TBC1D19: variants seen among roughly 807,000 people sequenced by gnomAD.
TBC1D19 encodes the protein TBC1 domain family, member 19.
In TBC1D19, 60 loss-of-function variants were observed where a neutral mutation model predicts 89.0. The observed-to-expected ratio is 0.67, with a 90% CI of 0.55 to 0.84. TBC1D19 has a LOEUF of 0.84. TBC1D19 is among the 40% of genes least tolerant of loss of function. TBC1D19 has a pLI of 0.00. For synonymous variants in TBC1D19, 189 were observed against 199.7 expected (o/e 0.95, Z 0.45); for missense variants, 500 against 610.8 (o/e 0.82, Z 1.91).
chr4:26,602,179 G>A (rs1740654083), intron 1 of TBC1D19, among the ~76,000 whole-genome samples: 1 of 152,122 alleles, frequency 6.6e-6, no homozygotes, highest in Non-Finnish European at 1.5e-5. Context: ...TAGATCTTGG[G>A]ATACAGAGAT....
rs867021628 is a variant in TBC1D19 at position 26,666,762 on chromosome 4, C to T, written c.664+357C>T. ...GTGAACACTGACGTCTACCTTGAGT[C>T]AACTTAGGCTTTAAAAATAGTGTGT... On this transcript the variant is annotated intron_variant, in intron 9 of 20. Coordinates refer to ENST00000264866, the MANE Select transcript of TBC1D19 (RefSeq NM_018317.4). Among the ~76,000 whole-genome samples, 3 of 151,974 alleles carry T rather than the reference C, an allele frequency of 2.0e-5. No homozygotes were observed. In the South Asian group the frequency reaches 6.2e-4, roughly 32 times the overall value.
chr4:26,601,343 T>C (rs186955996), intron 1 of TBC1D19, among the ~76,000 whole-genome samples: 1 of 152,338 alleles, frequency 6.6e-6, no homozygotes, highest in Admixed American at 6.5e-5. Flanking sequence ...AGTTCATTCA[T>C]GTTGTAGTGT....
the TBC1D19 span, among the ~76,000 whole-genome samples, chr4:26,765,133 A>C: frequency 2.6e-5 from 4 of 152,126 alleles, no homozygotes; most frequent in African/African-American, 7.2e-5. Context: ...AAAGACCCAG[A>C]GACTACTAGT....
chr4:26,598,646 G>C (rs1471467313), intron 1 of TBC1D19, among the ~76,000 whole-genome samples: 3 of 152,070 alleles, frequency 2.0e-5, no homozygotes, highest in Admixed American at 2.0e-4. Context: ...CGCCCGCCTC[G>C]GCCGCCCAAA....
At chr4:26,722,680 A>T (rs1228065613) in intron 15 of TBC1D19, among the ~76,000 whole-genome samples, 1 of 152,204 alleles carries the variant, frequency 6.6e-6, no homozygotes, top group Non-Finnish European at 1.5e-5. Flanking sequence ...AAGACACCAA[A>T]AAAAATCTCG....
At chr4:26,673,561 T>TAGG (rs1712531036) in intron 10 of TBC1D19, among the ~76,000 whole-genome samples, 1 of 150,342 alleles carries the variant, frequency 6.7e-6, no homozygotes, top group African/African-American at 2.4e-5. Context: ...CCACACTGGG[T>TAGG]AGGAGGTGGA....
intron 1 of TBC1D19, among the ~76,000 whole-genome samples, chr4:26,598,924 A>T (rs924119647): frequency 6.6e-6 from 1 of 152,240 alleles, no homozygotes; most frequent in African/African-American, 2.4e-5. Flanking sequence ...AAAATAGAAA[A>T]TTAGAAAGTT....
At chr4:26,681,751 A>G (rs1199200206) in intron 11 of TBC1D19, among the ~76,000 whole-genome samples, 1 of 152,218 alleles carries the variant, frequency 6.6e-6, no homozygotes, top group South Asian at 2.1e-4. Context: ...ATTAAAATGT[A>G]TGTAACTATT....
the TBC1D19 span, among the ~76,000 whole-genome samples, chr4:26,804,293 C>A: frequency 1.3e-5 from 2 of 152,086 alleles, no homozygotes; most frequent in Non-Finnish European, 2.9e-5. Flanking sequence ...TCACAGGCGC[C>A]CACCACCACA....
intron 1 of TBC1D19, among the ~76,000 whole-genome samples, chr4:26,586,205 G>T (rs1739409965): frequency 7.4e-6 from 1 of 135,014 alleles, no homozygotes. Flanking sequence ...TGGATATCCA[G>T]TATTTCCATT....
At chr4:26,640,807 G>A (rs1224625133) in intron 7 of TBC1D19, among the ~76,000 whole-genome samples, 1 of 152,194 alleles carries the variant, frequency 6.6e-6, no homozygotes, top group Non-Finnish European at 1.5e-5. Context: ...CTCACTTCTA[G>A]TCCGAGATCA....
chr4:26,853,049 G>A, the TBC1D19 span, among the ~76,000 whole-genome samples: 1 of 152,222 alleles, frequency 6.6e-6, no homozygotes. Flanking sequence ...GAGCGATCCT[G>A]TAAACACATA....
At chr4:26,607,639 CA>C (rs1369535164) in intron 1 of TBC1D19, among the ~76,000 whole-genome samples, 1 of 152,086 alleles carries the variant, frequency 6.6e-6, no homozygotes, top group African/African-American at 2.4e-5. Context: ...AAGCCATATT[CA>C]CTTAAAAATA....
At chr4:26,627,914 G>T (rs374987149) in intron 4 of TBC1D19, among the ~76,000 whole-genome samples, 2 of 151,996 alleles carry the variant, frequency 1.3e-5, no homozygotes, top group Non-Finnish European at 2.9e-5. Flanking sequence ...GTCAATTTTG[G>T]CTTTTGTTGC....
chr4:26,739,527 A>G (rs1203922622), intron 16 of TBC1D19, among the ~76,000 whole-genome samples: 1 of 152,142 alleles, frequency 6.6e-6, no homozygotes, highest in Non-Finnish European at 1.5e-5. Flanking sequence ...TTATTACTTC[A>G]ATTAAAAAAA....
chr4:26,753,447 T>C (rs948031296), intron 19 of TBC1D19, among the ~76,000 whole-genome samples: 2 of 152,162 alleles, frequency 1.3e-5, no homozygotes, highest in Admixed American at 6.5e-5. Flanking sequence ...CTAGGCAACA[T>C]AGTAAGACAC....
chr4:26,782,766 T>C, the TBC1D19 span, among the ~76,000 whole-genome samples: 2 of 149,888 alleles, frequency 1.3e-5, no homozygotes, highest in Non-Finnish European at 3.0e-5. Context: ...AACAAAAGAG[T>C]GTGGAATAAG....
chr4:26,675,215 T>A (rs1712693568), intron 11 of TBC1D19, among the ~76,000 whole-genome samples: 1 of 152,108 alleles, frequency 6.6e-6, no homozygotes, highest in African/African-American at 2.4e-5. Context: ...GTATAGAAAT[T>A]GTATTAACAA....
At chr4:26,781,303 G>A in the TBC1D19 span, among the ~76,000 whole-genome samples, 11 of 152,286 alleles carry the variant, frequency 7.2e-5, no homozygotes, top group East Asian at 9.7e-4. Context: ...AGAGGTAAGG[G>A]GGGCTGGGTA....
Sources: gnomAD v4.1 joint callset for allele counts (sites outside exome capture counted in the v4.1 genomes callset) on GRCh38, gnomAD v4.1.1 for gene constraint, MANE v1.5 for transcripts, NCBI Gene and HGNC (gene_info 2026-07-23, HGNC 2026-07-21) for gene names.